C2orf15: variants seen among roughly 807,000 people sequenced by gnomAD.
C2orf15 encodes the protein uncharacterized protein C2orf15.
A neutral mutation model predicts 4.4 loss-of-function variants in C2orf15; 3 were observed. The ratio of observed to expected loss-of-function variants is 0.67; its 90% CI spans 0.31 to 1.74. The LOEUF is 1.74. Among genes scored for constraint, C2orf15 ranks in the 40% most tolerant of loss-of-function variants. The pLI is 0.09. For synonymous variants in C2orf15, 37 were observed against 36.8 expected (o/e 1.00, Z -0.02); for missense variants, 90 against 103.3 (o/e 0.87, Z 0.56).
intron 2 of C2orf15, among the ~76,000 whole-genome samples, chr2:99,143,960 C>T (rs1288887838): frequency 1.3e-5 from 2 of 152,100 alleles, no homozygotes; most frequent in Non-Finnish European, 2.9e-5. Context: ...TCTGGGACTC[C>T]AATTCCATAT....
At chr2:99,147,716 G>A (rs1328343272) in intron 3 of C2orf15, among the ~76,000 whole-genome samples, 4 of 152,196 alleles carry the variant, frequency 2.6e-5, no homozygotes, top group African/African-American at 9.6e-5. Flanking sequence ...ATAATAATAT[G>A]TAGAACAACT....
At chr2:99,148,110 T>C (rs1370991274) in intron 3 of C2orf15, among the ~76,000 whole-genome samples, 1 of 152,240 alleles carries the variant, frequency 6.6e-6, no homozygotes, top group Non-Finnish European at 1.5e-5. Context: ...CCTCAGCCTC[T>C]CTGTGTCTTT....
intron 2 of C2orf15, among the ~76,000 whole-genome samples, chr2:99,144,669 A>AAAAAAAAAAAAAAAAC (rs2093614126): frequency 6.6e-6 from 1 of 151,522 alleles, no homozygotes; most frequent in African/African-American, 2.4e-5. Context: ...AAAAAAAAAA[A>AAAAAAAAAAAAAAAAC]AAGATGCTGA....
At chr2:99,144,624 G>T (rs1039611690) in intron 2 of C2orf15, among the ~76,000 whole-genome samples, 1 of 83,642 alleles carries the variant, frequency 1.2e-5, no homozygotes, top group African/African-American at 3.8e-5. Context: ...CCTCCAGCCT[G>T]GGGGACAAGA....
chr2:99,148,988 A>T (rs1168074466), intron 3 of C2orf15, among the ~76,000 whole-genome samples: 1 of 151,982 alleles, frequency 6.6e-6, no homozygotes, highest in Non-Finnish European at 1.5e-5. Context: ...GACTGGAAAA[A>T]AAATAAATAA....
Position 99,147,457 on chromosome 2 carries a change from G to T in C2orf15, c.-113G>T. On this transcript the variant is annotated 5_prime_UTR_variant, in exon 3 of 4. Transcript: ENST00000650052. ...GTCCAAAGAGGCCCCCAATAGACTT[G>T]TTCACCCTTCATGTCCTCAACTCTG... 2 of 1,613,826 alleles carry T rather than the reference G, an allele frequency of 1.2e-6. No individual in the cohort carries two copies. Among genetic ancestry groups the T allele is most frequent in the Non-Finnish European group, 1.7e-6 (2 of 1,179,842 alleles).
chr2:99,146,667 C>T (rs144028490), intron 2 of C2orf15, among the ~76,000 whole-genome samples: 5 of 152,232 alleles, frequency 3.3e-5, no homozygotes, highest in African/African-American at 7.2e-5. Flanking sequence ...CTTGCTCTGT[C>T]GCCCAGGCTG....
chr2:99,149,125 G>C (rs1262701187), intron 3 of C2orf15, among the ~76,000 whole-genome samples: 1 of 148,112 alleles, frequency 6.8e-6, no homozygotes, highest in East Asian at 2.0e-4. Context: ...AGCCGAGATC[G>C]CACCACTTCA....
In C2orf15 at chr2:99,149,789, T is replaced by C. The variant is rs1261030576; in HGVS notation, c.-76-694T>C. On this transcript the variant is annotated intron_variant, in intron 3 of 3. Coordinates refer to ENST00000650052, the MANE Select transcript of C2orf15 (RefSeq NM_144706.4). ...GACATCCTTAATCACAAGTATCTTT[T>C]TTTTTTTTTTTTTTTTTTTTAAGAC... Among the ~76,000 whole-genome samples, 11 of 137,522 alleles carry C rather than the reference T, an allele frequency of 8.0e-5. 1 individual carries two copies. The highest frequency in any genetic ancestry group is 1.4e-4 in the Non-Finnish European group (9 of 62,292). 90.2% of individuals were successfully genotyped at this position (137,522 alleles called of 152,430 possible). A position where few individuals can be genotyped will look rare whatever the true frequency, so the allele number is the denominator to read the frequency against.
chr2:99,142,620 T>A lies in C2orf15; in HGVS notation c.-169+219T>A, dbSNP rs137866314. Among the ~76,000 whole-genome samples the A allele has an allele frequency of 1.9e-3, 282 of 152,328 alleles. 1 individual carries two copies. Among genetic ancestry groups the A allele is most frequent in the African/African-American group, 6.6e-3 (273 of 41,578 alleles). Reference sequence around the variant, plus strand: ...GATACCAAAAAAAATTAAGTGTCCCTGTTATTTTAGATTAAGAGGTTAGAG... The same window carrying A: ...GATACCAAAAAAAATTAAGTGTCCCAGTTATTTTAGATTAAGAGGTTAGAG... On this transcript the variant is annotated intron_variant, in intron 2 of 3. Coordinates refer to ENST00000650052, the MANE Select transcript of C2orf15 (RefSeq NM_144706.4).
Position 99,150,938 on chromosome 2 carries a change from A to T in C2orf15, c.*104A>T. 1 of 705,664 alleles carries T rather than the reference A, an allele frequency of 1.4e-6. No individual in the cohort carries two copies. Among genetic ancestry groups the T allele is most frequent in the Non-Finnish European group, 2.4e-6 (1 of 415,432 alleles). The allele number at this position is 705,664 out of a possible 1,614,324, so 43.7% of individuals were successfully genotyped here. A position where few individuals can be genotyped will look rare whatever the true frequency, so the allele number is the denominator to read the frequency against. ...TAGGAAACCCTGACAAAATGATGGA[A>T]GACTATTGCCTTATTTTGCACTATT... is the stretch of plus-strand genomic sequence containing the variant. On this transcript the variant is annotated 3_prime_UTR_variant, in exon 4 of 4. Coordinates refer to ENST00000650052, the MANE Select transcript of C2orf15 (RefSeq NM_144706.4).
chr2:99,142,691 C>T (rs1177350624), intron 2 of C2orf15, among the ~76,000 whole-genome samples: 2 of 152,056 alleles, frequency 1.3e-5, no homozygotes, highest in South Asian at 2.1e-4. Flanking sequence ...TTTAAATGCA[C>T]AAAATAACAA....
At chr2:99,147,529 T>C (rs760673321) in intron 3 of C2orf15, 36 bp downstream of exon 3, 3 of 1,594,576 alleles carry the variant, frequency 1.9e-6, no homozygotes, top group Admixed American at 1.7e-5. Flanking sequence ...CCTATTATAC[T>C]TGGTTCCTCC....
At chr2:99,144,878 G>A (rs1375484212) in intron 2 of C2orf15, among the ~76,000 whole-genome samples, 2 of 152,138 alleles carry the variant, frequency 1.3e-5, no homozygotes, top group Non-Finnish European at 2.9e-5. Flanking sequence ...ATATGCTTGA[G>A]GAACAGCAAT....
At chr2:99,149,577 G>T (rs2093669175) in intron 3 of C2orf15, among the ~76,000 whole-genome samples, 1 of 150,880 alleles carries the variant, frequency 6.6e-6, no homozygotes, top group South Asian at 2.1e-4. Flanking sequence ...CGAGTAGCTG[G>T]GACTACAGGT....
At position 99,151,518 on chromosome 2, in the gene C2orf15, A is replaced by T. The variant is rs1353681538; in HGVS notation, c.*684A>T. 3.3e-5 allele frequency: 5 copies of T among 151,806 alleles called. No homozygotes were observed. The highest frequency in any genetic ancestry group is 2.6e-4 in the Admixed American group (4 of 15,216). 9.4% of individuals were successfully genotyped at this position (151,806 alleles called of 1,614,324 possible). ...AGCAATGTGACATCCGTATTTCACAATATTTCTGGTGTATCAGTTTTGTAT... is the reference window on the plus strand; with the variant it reads ...AGCAATGTGACATCCGTATTTCACATTATTTCTGGTGTATCAGTTTTGTAT... On this transcript the variant is annotated 3_prime_UTR_variant, in exon 4 of 4. Transcript: ENST00000650052.
intron 2 of C2orf15, 38 bp from the exon 3 acceptor site, chr2:99,147,364 T>A: frequency 9.1e-7 from 1 of 1,095,546 alleles, no homozygotes; most frequent in South Asian, 1.4e-5. Context: ...GATTGATTTA[T>A]CTCTTTATGT....
chr2:99,141,936 C>G lies in C2orf15; in HGVS notation c.-287C>G, dbSNP rs1312928818. The G allele has an allele frequency of 2.0e-5, 3 of 152,562 alleles. No individual in the cohort carries two copies. The highest frequency in any genetic ancestry group is 7.2e-5 in the African/African-American group (3 of 41,596). The allele number at this position is 152,562 out of a possible 1,614,324, so 9.5% of individuals were successfully genotyped here. ...CTGCAGGGAGCGAGCCGGCCTGTCC[C>G]GGTGAGCGTGGGCAGCCTGGAGTCA... On this transcript the variant is annotated splice_region_variant and 5_prime_UTR_variant, in exon 1 of 4. Transcript: ENST00000650052.
chr2:99,146,017 C>T (rs955368427), intron 2 of C2orf15, among the ~76,000 whole-genome samples: 1 of 152,020 alleles, frequency 6.6e-6, no homozygotes, highest in African/African-American at 2.4e-5. Flanking sequence ...GGTACGGTGG[C>T]TCATGCTGTA....
Sources: gnomAD v4.1 joint callset for allele counts (sites outside exome capture counted in the v4.1 genomes callset) on GRCh38, gnomAD v4.1.1 for gene constraint, MANE v1.5 for transcripts, NCBI Gene and HGNC (gene_info 2026-07-23, HGNC 2026-07-21) for gene names.